HECW2: variants seen among roughly 807,000 people sequenced by gnomAD.
The protein encoded by HECW2 is E3 ubiquitin-protein ligase HECW2.
Under a neutral mutation model 175.2 loss-of-function variants are expected in HECW2, and 61 were observed. The observed-to-expected ratio is 0.35, with a 90% confidence interval of 0.28 to 0.43. HECW2 has a LOEUF of 0.43. Ranked by LOEUF, HECW2 falls within the 20% of genes least tolerant of loss-of-function variation. The pLI is 1.00. For synonymous variants in HECW2, 671 were observed against 731.0 expected, an observed-to-expected ratio of 0.92 and a Z score of 1.32; for missense variants, 1,524 against 2,000.5, an observed-to-expected ratio of 0.76 and a Z score of 4.54.
intron 2 of HECW2, among the ~76,000 whole-genome samples, chr2:196,375,245 G>T (rs992387589): frequency 3.9e-5 from 6 of 151,920 alleles, no homozygotes; most frequent in African/African-American, 1.4e-4. Context: ...GTATTCAGCA[G>T]ATATCAACTT....
chr2:196,441,019 G>A (rs1342754778), intron 1 of HECW2, among the ~76,000 whole-genome samples: 1 of 152,180 alleles, frequency 6.6e-6, no homozygotes, highest in East Asian at 1.9e-4. Context: ...TCTTCAAGAG[G>A]TCAAGAGAGA....
chr2:196,462,529 T>C (rs1403705089), intron 1 of HECW2, among the ~76,000 whole-genome samples: 1 of 152,196 alleles, frequency 6.6e-6, no homozygotes, highest in East Asian at 1.9e-4. Flanking sequence ...TAAAACCTAA[T>C]ATAATCATTC....
At chr2:196,371,216 A>G (rs779349161) in intron 2 of HECW2, among the ~76,000 whole-genome samples, 4 of 152,188 alleles carry the variant, frequency 2.6e-5, no homozygotes, top group Admixed American at 2.0e-4. Flanking sequence ...TTAAAATCCA[A>G]TAGTCCATAT....
At chr2:196,348,383 C>G (rs1693040096) in intron 2 of HECW2, among the ~76,000 whole-genome samples, 2 of 152,132 alleles carry the variant, frequency 1.3e-5, no homozygotes, top group African/African-American at 4.8e-5. Flanking sequence ...TGGGTCATGC[C>G]TGTCATCCTA....
chr2:196,221,041 G>C (rs1575242333), intron 24 of HECW2, 100 bp from the exon 25 acceptor site: 1 of 1,305,206 alleles, frequency 7.7e-7, no homozygotes, highest in East Asian at 2.3e-5. Flanking sequence ...ACCTGTCCCA[G>C]CCCTGCCCTA....
intron 18 of HECW2, 47 bp from the exon 19 acceptor site, chr2:196,254,076 G>C: frequency 6.2e-7 from 1 of 1,606,770 alleles, no homozygotes; most frequent in Non-Finnish European, 8.5e-7. Context: ...CAAAGTAGTG[G>C]GGAAAAGCCT....
chr2:196,570,355 G>A (rs1046273473), intron 1 of HECW2, among the ~76,000 whole-genome samples: 35 of 152,042 alleles, frequency 2.3e-4, no homozygotes, highest in African/African-American at 7.0e-4. Context: ...CAAATTTATC[G>A]ACGTCAGAGT....
chr2:196,375,032 C>T (rs1397444816), intron 2 of HECW2, among the ~76,000 whole-genome samples: 5 of 151,452 alleles, frequency 3.3e-5, no homozygotes, highest in South Asian at 2.1e-4. Flanking sequence ...CGTGGTGGTG[C>T]GCACCTGTAA....
intron 1 of HECW2, among the ~76,000 whole-genome samples, chr2:196,462,022 C>T (rs1029330290): frequency 5.3e-5 from 8 of 152,104 alleles, no homozygotes; most frequent in Middle Eastern, 3.4e-3. Flanking sequence ...TCCTGTCAGA[C>T]CTTTTCTGTA....
intron 14 of HECW2, among the ~76,000 whole-genome samples, chr2:196,281,669 A>AAAAAAC (rs1690193630): frequency 6.8e-6 from 1 of 148,062 alleles, no homozygotes; most frequent in African/African-American, 2.5e-5. Context: ...AAAAAAAAAA[A>AAAAAAC]GCGTGTTCTT....
rs552664883 is a variant in HECW2, at chr2:196,374,896, C to T, written c.293-31132G>A. On this transcript the variant is annotated intron_variant, in intron 2 of 28. Coordinates refer to ENST00000644978, the MANE Select transcript of HECW2 (RefSeq NM_001348768.2). Reference sequence around the variant, plus strand: ...AACTAGTTTTGGCCGGGCGCAGTGGCTCATGCCTGTAATGCCAGCACTTTG... The same window carrying T: ...AACTAGTTTTGGCCGGGCGCAGTGGTTCATGCCTGTAATGCCAGCACTTTG... Among the ~76,000 whole-genome samples the T allele has an allele frequency of 2.0e-3, 303 of 151,490 alleles. 1 individual carries two copies. Among genetic ancestry groups the T allele is most frequent in the African/African-American group, 6.8e-3 (279 of 41,300 alleles).
At chr2:196,493,303 G>A (rs1687267381) in intron 1 of HECW2, 1 of 152,262 alleles carries the variant, frequency 6.6e-6, no homozygotes, top group Admixed American at 6.5e-5. Context: ...AGGAGCTCAA[G>A]GCTGCAGTGA....
chr2:196,556,166 G>T (rs573088902), intron 1 of HECW2, among the ~76,000 whole-genome samples: 1 of 152,204 alleles, frequency 6.6e-6, no homozygotes, highest in Non-Finnish European at 1.5e-5. Flanking sequence ...CTTCACTGAG[G>T]TATAATTGAC....
At chr2:196,334,763 A>G (rs933364558) in intron 3 of HECW2, among the ~76,000 whole-genome samples, 2 of 152,200 alleles carry the variant, frequency 1.3e-5, no homozygotes, top group Admixed American at 1.3e-4. Context: ...CAAAATAGAA[A>G]TAGTGTAGCG....
intron 1 of HECW2, among the ~76,000 whole-genome samples, chr2:196,479,172 CA>C (rs1164570299): frequency 2.0e-5 from 3 of 152,206 alleles, no homozygotes; most frequent in African/African-American, 7.2e-5. Flanking sequence ...GGGCCTTTCA[CA>C]CCACTTCTAA....
rs376427477 is a variant in HECW2, at chr2:196,439,013, G to A, written c.-35-5555C>T. ...TATATGATACAAACTTTTCCTAAGT[G>A]ATATTCAAATATATACCGGTTATTT... On this transcript the variant is annotated intron_variant, in intron 1 of 28. Transcript: ENST00000644978. Among the ~76,000 whole-genome samples, 74 of 152,200 alleles carry A rather than the reference G, an allele frequency of 4.9e-4. 1 individual carries two copies. Among genetic ancestry groups the A allele is most frequent in the African/African-American group, 1.7e-3 (70 of 41,522 alleles).
chr2:196,441,862 C>G (rs1253481156), intron 1 of HECW2, among the ~76,000 whole-genome samples: 1 of 152,194 alleles, frequency 6.6e-6, no homozygotes, highest in Non-Finnish European at 1.5e-5. Context: ...AGCTGCCCCT[C>G]ACTTCCTCTT....
At chr2:196,517,775 G>T (rs904563545) in intron 1 of HECW2, among the ~76,000 whole-genome samples, 1 of 152,130 alleles carries the variant, frequency 6.6e-6, no homozygotes, top group African/African-American at 2.4e-5. Context: ...AAAAACTTAG[G>T]AAAATTGTTC....
chr2:196,556,227 T>C (rs1302558954), intron 1 of HECW2, among the ~76,000 whole-genome samples: 6 of 152,208 alleles, frequency 3.9e-5, no homozygotes, highest in African/African-American at 7.2e-5. Context: ...GATATATGTA[T>C]GCATTATGAA....
Sources: gnomAD v4.1 joint callset for allele counts (sites outside exome capture counted in the v4.1 genomes callset) on GRCh38, gnomAD v4.1.1 for gene constraint, MANE v1.5 for transcripts, NCBI Gene and HGNC (gene_info 2026-07-23, HGNC 2026-07-21) for gene names.